IFTAP: variants seen among roughly 807,000 people sequenced by gnomAD.
IFTAP encodes intraflagellar transport-associated protein.
A neutral mutation model predicts 19.4 loss-of-function variants in IFTAP; 19 were observed. That is an observed-to-expected ratio of 0.98 (90% CI 0.68 to 1.44). IFTAP has a LOEUF of 1.44. IFTAP is among the 40% of genes most tolerant of loss of function. IFTAP has a pLI of 0.00. For synonymous variants in IFTAP, 85 were observed against 83.5 expected (o/e 1.02, Z -0.10); for missense variants, 240 against 253.6 (o/e 0.95, Z 0.36).
At chr11:36,647,957 G>T (rs1853555034) in intron 4 of IFTAP, 59 bp from the exon 5 acceptor site, 19 of 1,574,382 alleles carry the variant, frequency 1.2e-5, no homozygotes, top group Non-Finnish European at 1.5e-5. Flanking sequence ...GCATTTAAAT[G>T]ATTTAGGTAA....
chr11:36,644,301 A>G (rs1205596362), intron 4 of IFTAP, among the ~76,000 whole-genome samples: 1 of 152,172 alleles, frequency 6.6e-6, no homozygotes, highest in Middle Eastern at 3.2e-3. Context: ...ACAATGAGAT[A>G]CCATCTCACA....
rs867293336 is a variant in IFTAP, at chr11:36,596,186, C to G, written c.-24+1594C>G. Reference sequence around the variant, plus strand: ...AGATTCCTTGGACTATTTAGAATCTCTGGTCACTCTAATGAGATGGTAGTG... The same window carrying G: ...AGATTCCTTGGACTATTTAGAATCTGTGGTCACTCTAATGAGATGGTAGTG... On this transcript the variant is annotated intron_variant, in intron 1 of 5. Coordinates refer to ENST00000334307, the MANE Select transcript of IFTAP (RefSeq NM_138787.4). Among the ~76,000 whole-genome samples, 3 of 143,882 alleles carry G rather than the reference C, an allele frequency of 2.1e-5. No homozygotes were observed. In the East Asian group the frequency reaches 6.0e-4, roughly 29 times the overall value. 94.4% of individuals were successfully genotyped at this position (143,882 alleles called of 152,430 possible).
At chr11:36,658,934 A>G in intron 5 of IFTAP, 85 bp from the exon 6 acceptor site, 8 of 997,266 alleles carry the variant, frequency 8.0e-6, no homozygotes, top group Non-Finnish European at 9.8e-6. Flanking sequence ...GGTTTAATTA[A>G]ATATTAATAG....
intron 4 of IFTAP, among the ~76,000 whole-genome samples, chr11:36,645,862 A>G (rs1037245570): frequency 6.6e-6 from 1 of 152,152 alleles, no homozygotes; most frequent in East Asian, 1.9e-4. Context: ...TGGCAGGCAG[A>G]CTCGATACTT....
chr11:36,655,100 C>A (rs1853918946), intron 5 of IFTAP, among the ~76,000 whole-genome samples: 1 of 151,946 alleles, frequency 6.6e-6, no homozygotes, highest in Non-Finnish European at 1.5e-5. Context: ...AAAAATTCTT[C>A]AGTGACTTTT....
intron 4 of IFTAP, among the ~76,000 whole-genome samples, chr11:36,643,281 A>G (rs1199998849): frequency 6.6e-6 from 1 of 152,238 alleles, no homozygotes; most frequent in Admixed American, 6.5e-5. Context: ...CTAGGAATCC[A>G]ACTTACAAGG....
At chr11:36,607,207 T>C (rs1177274338) in intron 1 of IFTAP, among the ~76,000 whole-genome samples, 1 of 152,214 alleles carries the variant, frequency 6.6e-6, no homozygotes, top group East Asian at 1.9e-4. Context: ...CAGGTCTTTG[T>C]GTAGGCAAAG....
intron 1 of IFTAP, among the ~76,000 whole-genome samples, chr11:36,606,687 G>T (rs951215031): frequency 3.3e-5 from 5 of 152,192 alleles, no homozygotes; most frequent in Non-Finnish European, 7.3e-5. Flanking sequence ...ACATTTACAG[G>T]AATGGAAACC....
chr11:36,651,984 C>G (rs1273026519), intron 5 of IFTAP, among the ~76,000 whole-genome samples: 12 of 152,118 alleles, frequency 7.9e-5, no homozygotes, highest in Admixed American at 5.9e-4. Context: ...AGTCAGGTAG[C>G]GTGATGCCTC....
intron 5 of IFTAP, among the ~76,000 whole-genome samples, chr11:36,653,198 G>A (rs16929265): frequency 0.019 from 2,857 of 152,136 alleles, 40 homozygotes; most frequent in East Asian, 0.033. Flanking sequence ...ATTTTCTTTA[G>A]TTTGCCTATG....
chr11:36,603,644 A>G (rs565091385), intron 1 of IFTAP, among the ~76,000 whole-genome samples: 46 of 152,252 alleles, frequency 3.0e-4, no homozygotes, highest in African/African-American at 9.9e-4. Context: ...AATTACAGCC[A>G]GGCACAGTGG....
intron 2 of IFTAP, among the ~76,000 whole-genome samples, chr11:36,620,471 A>G (rs1476320558): frequency 1.3e-5 from 2 of 152,184 alleles, no homozygotes; most frequent in East Asian, 1.9e-4. Flanking sequence ...TGCTGGTTCA[A>G]TTGCAGAAGG....
At chr11:36,627,360 G>A (rs1852553318) in intron 2 of IFTAP, among the ~76,000 whole-genome samples, 1 of 151,074 alleles carries the variant, frequency 6.6e-6, no homozygotes, top group Non-Finnish European at 1.5e-5. Context: ...GTAAAGCTGT[G>A]GGGAAGTGGA....
intron 4 of IFTAP, among the ~76,000 whole-genome samples, chr11:36,639,932 A>T (rs968375430): frequency 2.0e-5 from 3 of 152,222 alleles, no homozygotes; most frequent in Non-Finnish European, 4.4e-5. Context: ...TTGCAACTTT[A>T]AGCAGCTTTA....
chr11:36,650,546 T>A (rs1404539485), intron 5 of IFTAP, among the ~76,000 whole-genome samples: 6 of 150,756 alleles, frequency 4.0e-5, no homozygotes, highest in African/African-American at 1.5e-4. Flanking sequence ...CACTGGTTCT[T>A]TTTTTTTTTT....
intron 1 of IFTAP, chr11:36,598,147 T>G (rs952798055): frequency 6.6e-6 from 1 of 152,130 alleles, no homozygotes; most frequent in Non-Finnish European, 1.5e-5. Context: ...TCTTTGCCGC[T>G]AAACCAGGTA....
At chr11:36,649,863 C>A (rs1357680578) in intron 5 of IFTAP, among the ~76,000 whole-genome samples, 3 of 152,014 alleles carry the variant, frequency 2.0e-5, no homozygotes, top group African/African-American at 7.3e-5. Flanking sequence ...CTTTTCACAA[C>A]CGTCTAGAAT....
chr11:36,648,326 T>G (rs1853575345), intron 5 of IFTAP, 171 bp downstream of exon 5: 1 of 775,146 alleles, frequency 1.3e-6, no homozygotes, highest in African/African-American at 1.8e-5. Context: ...TACATTTCTT[T>G]TTAAACACAT....
intron 5 of IFTAP, among the ~76,000 whole-genome samples, chr11:36,649,523 A>G (rs1853620640): frequency 6.6e-6 from 1 of 152,178 alleles, no homozygotes; most frequent in Non-Finnish European, 1.5e-5. Context: ...TAGTACTTTT[A>G]TAGAAATACA....
Sources: allele counts gnomAD v4.1 joint callset (sites outside exome capture counted in the v4.1 genomes callset), GRCh38; gene constraint gnomAD v4.1.1; transcripts MANE v1.5; gene names NCBI Gene and HGNC (gene_info 2026-07-23, HGNC 2026-07-21).